The following ST6GALNAC5 variants were observed in gnomAD, a reference collection of about 807,000 sequenced individuals.
ST6GALNAC5 encodes the protein alpha-N-acetylgalactosaminide alpha-2,6-sialyltransferase 5.
A neutral mutation model predicts 33.6 loss-of-function variants in ST6GALNAC5; 27 were observed. The ratio of observed to expected loss-of-function variants is 0.80; its 90% CI spans 0.59 to 1.11. The LOEUF is 1.11. ST6GALNAC5 is among the 50% of genes least tolerant of loss of function. The probability of loss-of-function intolerance (pLI) is 0.00; values close to 1 mark genes in which losing one functional copy is unlikely to be tolerated. For synonymous variants in ST6GALNAC5, 194 were observed against 171.2 expected (o/e 1.13, Z -1.04); for missense variants, 428 against 454.0 (o/e 0.94, Z 0.52).
At chr1:76,966,226 A>G (rs1405934324) in intron 2 of ST6GALNAC5, among the ~76,000 whole-genome samples, 2 of 152,226 alleles carry the variant, frequency 1.3e-5, no homozygotes, top group African/African-American at 4.8e-5. Context: ...GATTCTTCCT[A>G]TTCATGAGCA....
chr1:76,935,901 A>G (rs1464012282), intron 2 of ST6GALNAC5, among the ~76,000 whole-genome samples: 2 of 152,016 alleles, frequency 1.3e-5, no homozygotes, highest in African/African-American at 4.8e-5. Flanking sequence ...GCTTACACTG[A>G]TTAGGCATGG....
chr1:77,054,422 T>G (rs1179146838), intron 4 of ST6GALNAC5, among the ~76,000 whole-genome samples: 3 of 152,226 alleles, frequency 2.0e-5, no homozygotes, highest in Non-Finnish European at 4.4e-5. Context: ...TGTTTGCATC[T>G]GGACTATTGT....
chr1:76,998,146 G>T (rs1650007482), intron 2 of ST6GALNAC5, among the ~76,000 whole-genome samples: 1 of 152,004 alleles, frequency 6.6e-6, no homozygotes. Flanking sequence ...CCCAGTCTTG[G>T]GTATTTCTTC....
rs1225983934 is a variant in ST6GALNAC5 at position 76,940,018 on chromosome 1, T to C, written c.261+71276T>C. On this transcript the variant is annotated intron_variant, in intron 2 of 4. Coordinates refer to ENST00000477717, the MANE Select transcript of ST6GALNAC5 (RefSeq NM_030965.3). ...GTTGATATGTGAATGCATGTGAAAC[T>C]CATAAATCATAAGATTGGCACTTAC... 2.0e-5 allele frequency among the ~76,000 whole-genome samples: 3 copies of C among 152,098 alleles called. 1 individual carries two copies. The highest frequency in any genetic ancestry group is 2.9e-5 in the Non-Finnish European group (2 of 68,000).
At chr1:77,006,548 C>T (rs934297863) in intron 2 of ST6GALNAC5, among the ~76,000 whole-genome samples, 1 of 152,006 alleles carries the variant, frequency 6.6e-6, no homozygotes, top group African/African-American at 2.4e-5. Context: ...GTCTCAAACT[C>T]CTGAGCTCAA....
chr1:77,023,865 A>G (rs779492222), intron 2 of ST6GALNAC5, among the ~76,000 whole-genome samples: 1 of 152,154 alleles, frequency 6.6e-6, no homozygotes, highest in East Asian at 1.9e-4. Context: ...GGGGGTAGTC[A>G]TTGGGGTGCC....
intron 2 of ST6GALNAC5, among the ~76,000 whole-genome samples, chr1:77,033,898 G>A (rs1015895773): frequency 2.0e-5 from 3 of 152,118 alleles, no homozygotes; most frequent in Non-Finnish European, 4.4e-5. Flanking sequence ...CAGGGGAAGG[G>A]AGTGGTGTGA....
At chr1:76,932,994 C>T (rs1043450388) in intron 2 of ST6GALNAC5, among the ~76,000 whole-genome samples, 12 of 152,122 alleles carry the variant, frequency 7.9e-5, no homozygotes, top group East Asian at 5.8e-4. Context: ...CCAATTTAAG[C>T]GAAACAGGCA....
At chr1:76,879,776 C>CA (rs1260268646) in intron 2 of ST6GALNAC5, among the ~76,000 whole-genome samples, 1 of 151,856 alleles carries the variant, frequency 6.6e-6, no homozygotes, top group Non-Finnish European at 1.5e-5. Context: ...TTCCTTCTGG[C>CA]AAAAAAGGTC....
At position 76,905,547 on chromosome 1, in the gene ST6GALNAC5, A is replaced by G. The variant is rs541684465; in HGVS notation, c.261+36805A>G. Reference sequence around the variant, plus strand: ...GAAACCAGCCTTATTCTTGCTCACTAATTATTAAGGAAAATAATTTTTAAC... The same window carrying G: ...GAAACCAGCCTTATTCTTGCTCACTGATTATTAAGGAAAATAATTTTTAAC... On this transcript the variant is annotated intron_variant, in intron 2 of 4. Transcript: ENST00000477717. Among the ~76,000 whole-genome samples, 7 of 152,268 alleles carry G rather than the reference A, an allele frequency of 4.6e-5. No individual in the cohort carries two copies. The South Asian group carries it at 1.5e-3, about 32-fold the overall frequency.
At chr1:76,977,360 C>T (rs1649052344) in intron 2 of ST6GALNAC5, among the ~76,000 whole-genome samples, 1 of 152,100 alleles carries the variant, frequency 6.6e-6, no homozygotes, top group Non-Finnish European at 1.5e-5. Context: ...GAAATGTACA[C>T]AACATTGTTA....
chr1:76,880,566 T>C (rs1184677950), intron 2 of ST6GALNAC5, among the ~76,000 whole-genome samples: 5 of 152,122 alleles, frequency 3.3e-5, no homozygotes, highest in Admixed American at 2.0e-4. Flanking sequence ...AGTCTCAAAA[T>C]TGAAGAACTT....
intron 2 of ST6GALNAC5, among the ~76,000 whole-genome samples, chr1:76,959,118 T>A (rs1430459402): frequency 6.6e-6 from 1 of 152,120 alleles, no homozygotes; most frequent in Admixed American, 6.5e-5. Flanking sequence ...TAAATTCAGA[T>A]TTGTAGCATT....
At chr1:76,990,752 C>A (rs1003231871) in intron 2 of ST6GALNAC5, among the ~76,000 whole-genome samples, 9 of 152,152 alleles carry the variant, frequency 5.9e-5, no homozygotes, top group African/African-American at 2.2e-4. Flanking sequence ...ATAGCAGACT[C>A]AAACTGGGTG....
intron 2 of ST6GALNAC5, among the ~76,000 whole-genome samples, chr1:76,941,197 C>T (rs1647325979): frequency 6.6e-6 from 1 of 152,020 alleles, no homozygotes; most frequent in Admixed American, 6.6e-5. Flanking sequence ...TAAATACTAC[C>T]TTTGTGCCTT....
At chr1:76,896,354 A>G (rs953929013) in intron 2 of ST6GALNAC5, among the ~76,000 whole-genome samples, 19 of 151,908 alleles carry the variant, frequency 1.3e-4, no homozygotes, top group African/African-American at 3.9e-4. Context: ...GGAAGGGAGG[A>G]GGCCTGAATA....
Position 77,022,560 on chromosome 1 carries a change from G to A in ST6GALNAC5, c.262-21644G>A, listed in dbSNP as rs12034878. ...TTAATGATTTGATTATTAGTTTATA[G>A]GAAACTCAAAGGAGGATGCTGTGGT... On this transcript the variant is annotated intron_variant, in intron 2 of 4. Coordinates refer to ENST00000477717, the MANE Select transcript of ST6GALNAC5 (RefSeq NM_030965.3). 5.5e-3 allele frequency among the ~76,000 whole-genome samples: 840 copies of A among 152,302 alleles called. 7 individuals carry two copies. The highest frequency in any genetic ancestry group is 0.029 in the East Asian group (148 of 5,182).
intron 2 of ST6GALNAC5, among the ~76,000 whole-genome samples, chr1:76,989,288 T>G (rs1046795035): frequency 6.6e-6 from 1 of 152,106 alleles, no homozygotes; most frequent in African/African-American, 2.4e-5. Flanking sequence ...CTTCTATTTT[T>G]TTTTTCTTGG....
chr1:76,950,094 C>A (rs1647683168), intron 2 of ST6GALNAC5, among the ~76,000 whole-genome samples: 1 of 152,090 alleles, frequency 6.6e-6, no homozygotes, highest in African/African-American at 2.4e-5. Context: ...CACCTTCACA[C>A]AGATTTCTTC....
Sources: allele counts gnomAD v4.1 joint callset (sites outside exome capture counted in the v4.1 genomes callset), GRCh38; gene constraint gnomAD v4.1.1; transcripts MANE v1.5; gene names NCBI Gene and HGNC (gene_info 2026-07-23, HGNC 2026-07-21).